LCORL: variants seen among roughly 807,000 people sequenced by gnomAD.
The protein encoded by LCORL is ligand-dependent nuclear receptor corepressor-like protein.
A neutral mutation model predicts 141.8 loss-of-function variants in LCORL; 41 were observed. The ratio of observed to expected loss-of-function variants is 0.29; its 90% confidence interval spans 0.23 to 0.38. The LOEUF is 0.38. LCORL is among the 10% of genes least tolerant of loss of function. The probability of loss-of-function intolerance (pLI) is 1.00; values close to 1 mark genes in which losing one functional copy is unlikely to be tolerated. For missense variants in LCORL, 1,759 were observed against 2,035.0 expected, an observed-to-expected ratio of 0.86 and a Z score of 2.61; for synonymous variants, 618 against 694.1, an observed-to-expected ratio of 0.89 and a Z score of 1.72.
chr4:17,876,832 T>G, exon 7 of LCORL: 1 of 1,230,780 alleles, frequency 8.1e-7, no homozygotes, highest in Non-Finnish European at 1.0e-6. Flanking sequence ...GTTTTAAAGC[T>G]TTCTGAAAAT....
exon 7 of LCORL, chr4:17,877,744 G>A: frequency 8.1e-7 from 1 of 1,230,632 alleles, no homozygotes; most frequent in East Asian, 3.2e-5. Flanking sequence ...GACAAAAGAG[G>A]ACTACGAAAG....
At chr4:17,899,605 TA>T in intron 5 of LCORL, among the ~76,000 whole-genome samples, 1 of 152,180 alleles carries the variant, frequency 6.6e-6, no homozygotes, top group Non-Finnish European at 1.5e-5. Context: ...AGAGGAAGAT[TA>T]AATACAAACT....
chr4:17,844,394 T>C (rs1467534440), exon 8 of LCORL: 2 of 152,538 alleles, frequency 1.3e-5, no homozygotes, highest in Middle Eastern at 3.4e-3. Context: ...GTGCTTTTTT[T>C]AGGCTTATCA....
intron 1 of LCORL, among the ~76,000 whole-genome samples, chr4:18,008,438 A>G (rs1019501541): frequency 6.6e-6 from 1 of 152,246 alleles, no homozygotes; most frequent in Non-Finnish European, 1.5e-5. Flanking sequence ...AAATGAAAAC[A>G]GCACTACTAA....
intron 4 of LCORL, among the ~76,000 whole-genome samples, chr4:17,922,907 T>G (rs372544475): frequency 6.6e-6 from 1 of 152,136 alleles, no homozygotes; most frequent in Admixed American, 6.5e-5. Flanking sequence ...TGGGCAGCCA[T>G]CAGCATTTCC....
chr4:17,912,230 T>C lies in LCORL; in HGVS notation c.431-2885A>G, dbSNP rs1453648771. 6 of 741,040 alleles carry C rather than the reference T, an allele frequency of 8.1e-6. No homozygotes were observed. The African/African-American group carries it at 1.0e-4, about 13-fold the overall frequency. 45.9% of individuals were successfully genotyped at this position (741,040 alleles called of 1,614,324 possible). Reference sequence around the variant, plus strand: ...ACAAAGCTGGCCGTGCGCCAGTCTGTGGAGAGCAACATTATGGGCTCCTGC... The same window carrying C: ...ACAAAGCTGGCCGTGCGCCAGTCTGCGGAGAGCAACATTATGGGCTCCTGC... On this transcript the variant is annotated intron_variant, in intron 4 of 7. Transcript: ENST00000635767.
chr4:18,019,310 GC>G (rs1725119699), intron 1 of LCORL, among the ~76,000 whole-genome samples: 1 of 152,202 alleles, frequency 6.6e-6, no homozygotes. Flanking sequence ...CTACACTCCA[GC>G]CTGGGCGACA....
chr4:17,893,783 AT>A (rs1335493234), intron 5 of LCORL, among the ~76,000 whole-genome samples: 3 of 152,122 alleles, frequency 2.0e-5, no homozygotes, highest in Non-Finnish European at 4.4e-5. Context: ...AGTGTGACAC[AT>A]TTGATTCTAA....
chr4:17,915,008 A>G (rs187265290), intron 4 of LCORL, among the ~76,000 whole-genome samples: 10 of 152,126 alleles, frequency 6.6e-5, no homozygotes, highest in Non-Finnish European at 1.5e-4. Flanking sequence ...AAATGAATGA[A>G]GTTTTCATAC....
chr4:17,963,161 T>C (rs1367835947), intron 2 of LCORL, 112 bp from the exon 3 acceptor site: 22 of 494,148 alleles, frequency 4.5e-5, no homozygotes, highest in Non-Finnish European at 1.1e-5. Flanking sequence ...AAACTAACAG[T>C]AATGGGAGAA....
exon 8 of LCORL, chr4:17,841,910 T>C (rs1722448647): frequency 6.4e-6 from 1 of 156,758 alleles, no homozygotes; most frequent in Non-Finnish European, 1.4e-5. Flanking sequence ...CTTTAGCACC[T>C]GTTTATGCAC....
At chr4:17,847,540 G>T (rs1723077035) in intron 7 of LCORL, among the ~76,000 whole-genome samples, 1 of 152,178 alleles carries the variant, frequency 6.6e-6, no homozygotes, top group Non-Finnish European at 1.5e-5. Flanking sequence ...CTACCAGGTA[G>T]CTTAGTATGC....
chr4:17,964,933 G>A (rs763102456), intron 2 of LCORL, among the ~76,000 whole-genome samples: 8 of 151,288 alleles, frequency 5.3e-5, no homozygotes, highest in South Asian at 2.1e-4. Context: ...TGTAGGCTTC[G>A]GGAAGGGGTA....
exon 8 of LCORL, chr4:17,842,391 A>G: frequency 1.2e-6 from 2 of 1,608,390 alleles, no homozygotes; most frequent in Non-Finnish European, 1.7e-6. Flanking sequence ...TATGTCATGC[A>G]TGTCTAGAAT....
chr4:17,917,090 T>A (rs1243152816), intron 4 of LCORL, among the ~76,000 whole-genome samples: 1 of 152,116 alleles, frequency 6.6e-6, no homozygotes, highest in African/African-American at 2.4e-5. Flanking sequence ...TTCTCCTGCC[T>A]CAGCCTCCTG....
intron 1 of LCORL, among the ~76,000 whole-genome samples, chr4:18,010,394 G>C (rs1560480860): frequency 2.1e-5 from 3 of 144,362 alleles, no homozygotes; most frequent in Admixed American, 2.0e-4. Context: ...ATATGTGTGT[G>C]TGTCTGTGTG....
chr4:17,992,248 T>C (rs1015064387), intron 1 of LCORL, among the ~76,000 whole-genome samples: 5 of 152,256 alleles, frequency 3.3e-5, no homozygotes, highest in Admixed American at 3.3e-4. Context: ...GAGAGAGATG[T>C]GCTGAGTGAA....
chr4:17,962,991 G>T (rs761869770), exon 3 of LCORL: 1 of 1,594,268 alleles, frequency 6.3e-7, no homozygotes, highest in South Asian at 1.1e-5. Flanking sequence ...CTCTCTGTAG[G>T]TTACAAAATG....
chr4:17,873,703 T>C (rs1726619908), exon 7 of LCORL: 3 of 1,233,640 alleles, frequency 2.4e-6, no homozygotes, highest in East Asian at 6.3e-5. Flanking sequence ...TCCATATGAG[T>C]CTGATGAGTA....
Sources: allele counts gnomAD v4.1 joint callset (sites outside exome capture counted in the v4.1 genomes callset), GRCh38; gene constraint gnomAD v4.1.1; transcripts MANE v1.5; gene names NCBI Gene and HGNC (gene_info 2026-07-23, HGNC 2026-07-21).